The following SHQ1 variants were observed in gnomAD, a reference collection of about 807,000 sequenced individuals.
SHQ1 encodes SHQ1, H/ACA ribonucleoprotein assembly factor.
SHQ1 carries 49 observed loss-of-function variants against 53.8 expected under a neutral mutation model. The ratio of observed to expected loss-of-function variants is 0.91; its 90% CI spans 0.72 to 1.16. The LOEUF is 1.16. Ranked by LOEUF, SHQ1 falls within the 50% of genes most tolerant of loss-of-function variation. The pLI is 0.00. For synonymous variants in SHQ1, 243 were observed against 251.0 expected (o/e 0.97, Z 0.30); for missense variants, 738 against 683.1 (o/e 1.08, Z -0.90).
intron 8 of SHQ1, among the ~76,000 whole-genome samples, chr3:72,813,830 CTTTTTTT>C (rs931930903): frequency 1.1e-3 from 118 of 108,186 alleles, no homozygotes; most frequent in African/African-American, 3.4e-3. Context: ...TCCTCTTTTT[CTTTTTTT>C]TTTTTTTTTT....
intron 10 of SHQ1, among the ~76,000 whole-genome samples, chr3:72,751,619 T>G (rs535769393): frequency 1.5e-4 from 23 of 150,464 alleles, no homozygotes; most frequent in Admixed American, 9.3e-4. Flanking sequence ...GGACAGAAGA[T>G]ACAAGCAGAC....
chr3:72,842,392 G>A lies in SHQ1; in HGVS notation c.219C>T (p.Thr73=), dbSNP rs1443229521. ...GSYDADKGIF[T]IRLPKETPGQ... ...CAGGGGTTTCTTTGGGCAGGCGAAT[G>A]GTAAAAATTCCTTAAAGATAAATTT... Residue 73 remains threonine (T), a synonymous_variant, in exon 3 of 11, where the codon ACC becomes ACT. Transcript: ENST00000325599. 1.2e-6 allele frequency: 2 copies of A among 1,612,534 alleles called. No homozygotes were observed. Among genetic ancestry groups the A allele is most frequent in the Admixed American group, 1.7e-5 (1 of 59,910 alleles).
At chr3:72,766,914 G>A (rs919126157) in intron 10 of SHQ1, among the ~76,000 whole-genome samples, 3 of 152,026 alleles carry the variant, frequency 2.0e-5, no homozygotes, top group African/African-American at 7.3e-5. Flanking sequence ...GTGGCTGTCG[G>A]GCATTCAGAA....
rs1018934318 is a variant in SHQ1, at chr3:72,848,395, C to G, written c.-55G>C. 7 of 1,603,018 alleles carry G rather than the reference C, an allele frequency of 4.4e-6. No individual in the cohort carries two copies. Among genetic ancestry groups the G allele is most frequent in the Non-Finnish European group, 6.0e-6 (7 of 1,174,374 alleles). On this transcript the variant is annotated 5_prime_UTR_variant, in exon 1 of 11. Transcript: ENST00000325599. ...CTCGCTCTCACTGCCGCCGCGTTCC[C>G]GCCACGCAAACTCTCCAACTCCCCA...
intron 5 of SHQ1, among the ~76,000 whole-genome samples, chr3:72,830,357 A>C (rs1707789139): frequency 1.3e-5 from 2 of 152,016 alleles, no homozygotes; most frequent in African/African-American, 4.8e-5. Context: ...CAAATAGGTA[A>C]TATTATGCTA....
At chr3:72,839,796 T>C (rs1321437893) in intron 4 of SHQ1, among the ~76,000 whole-genome samples, 1 of 152,122 alleles carries the variant, frequency 6.6e-6, no homozygotes, top group African/African-American at 2.4e-5. Flanking sequence ...AGTCTCACAC[T>C]GTTGCCCAGG....
At chr3:72,809,616 A>G (rs1179279614) in intron 9 of SHQ1, 4 of 152,158 alleles carry the variant, frequency 2.6e-5, no homozygotes, top group Admixed American at 2.6e-4. Flanking sequence ...TACATAAATA[A>G]CGTATGATCA....
rs776082110 is a variant in SHQ1, at chr3:72,817,308, A to T, written c.804T>A (p.Cys268Ter). 1.9e-6 allele frequency: 3 copies of T among 1,613,990 alleles called. No homozygotes were observed. The highest frequency in any genetic ancestry group is 2.2e-5 in the East Asian group (1 of 44,882). ...CAATCAAACTGTAGCACACTTGACG[A>T]CAGGCTCTCTTGTCCAGCAGATAAG... ...NKSYLLDKRA[C>*]RQVCYSLIDI... Residue 268 changes from cysteine to a stop codon, truncating the protein, a stop_gained, in exon 7 of 11, where the codon TGT (cysteine) becomes TGA (stop). Coordinates refer to ENST00000325599, the MANE Select transcript of SHQ1 (RefSeq NM_018130.3). LOFTEE classifies it high-confidence loss of function.
the SHQ1 span, among the ~76,000 whole-genome samples, chr3:72,732,079 T>C: frequency 6.6e-6 from 1 of 151,740 alleles, no homozygotes; most frequent in African/African-American, 2.4e-5. Flanking sequence ...TCCTTGGATT[T>C]TTGTTTTCAT....
chr3:72,787,943 T>C (rs542004908), intron 10 of SHQ1, among the ~76,000 whole-genome samples: 1 of 152,360 alleles, frequency 6.6e-6, no homozygotes, highest in African/African-American at 2.4e-5. Flanking sequence ...CTCCAGCTCC[T>C]GACCGCGAGT....
At chr3:72,827,359 C>T (rs868169364) in intron 5 of SHQ1, among the ~76,000 whole-genome samples, 1 of 151,924 alleles carries the variant, frequency 6.6e-6, no homozygotes, top group African/African-American at 2.4e-5. Context: ...GATAAAATTG[C>T]CCAGGAAGAA....
intron 9 of SHQ1, among the ~76,000 whole-genome samples, chr3:72,802,423 A>T (rs1394249171): frequency 6.6e-6 from 1 of 152,148 alleles, no homozygotes; most frequent in Admixed American, 6.5e-5. Context: ...TCCAATGCCA[A>T]ACTCTTCAGT....
intron 9 of SHQ1, among the ~76,000 whole-genome samples, chr3:72,796,445 G>A (rs1256492882): frequency 6.6e-6 from 1 of 152,178 alleles, no homozygotes; most frequent in Non-Finnish European, 1.5e-5. Flanking sequence ...CCTAAAGTGA[G>A]GCTGCCCTCT....
At chr3:72,761,040 T>C (rs1705599106) in intron 10 of SHQ1, among the ~76,000 whole-genome samples, 3 of 152,224 alleles carry the variant, frequency 2.0e-5, no homozygotes, top group African/African-American at 7.2e-5. Flanking sequence ...TCAAAAAAGT[T>C]TATGAGCTCT....
intron 10 of SHQ1, among the ~76,000 whole-genome samples, chr3:72,756,636 T>C (rs62251646): frequency 0.25 from 37,469 of 152,008 alleles, 4,819 homozygotes; most frequent in African/African-American, 0.28. Context: ...ATATTTATTA[T>C]AGAATGAAGA....
At chr3:72,843,482 T>G (rs190720847) in intron 2 of SHQ1, among the ~76,000 whole-genome samples, 34 of 152,352 alleles carry the variant, frequency 2.2e-4, no homozygotes, top group Non-Finnish European at 3.5e-4. Context: ...ACTACATTAT[T>G]TAGCACTTTG....
intron 10 of SHQ1, among the ~76,000 whole-genome samples, chr3:72,761,218 C>A (rs1481248522): frequency 1.3e-5 from 2 of 152,094 alleles, no homozygotes; most frequent in South Asian, 2.1e-4. Flanking sequence ...ATCGCCCAGG[C>A]TGGAGTGCAG....
chr3:72,773,066 C>CT (rs1460753875), intron 10 of SHQ1: 1 of 858,512 alleles, frequency 1.2e-6, no homozygotes, highest in Admixed American at 1.9e-5. Context: ...TCCATGTTCT[C>CT]TAAGTACTCG....
chr3:72,775,459 CTTTT>C (rs202198673), intron 10 of SHQ1, among the ~76,000 whole-genome samples: 1 of 119,616 alleles, frequency 8.4e-6, no homozygotes, highest in Non-Finnish European at 1.8e-5. Flanking sequence ...GACACAATGG[CTTTT>C]TTTTTTTTTT....
Sources: gnomAD v4.1 joint callset for allele counts (sites outside exome capture counted in the v4.1 genomes callset) on GRCh38, gnomAD v4.1.1 for gene constraint, MANE v1.5 for transcripts, NCBI Gene and HGNC (gene_info 2026-07-23, HGNC 2026-07-21) for gene names.